Variants in CSMD1 observed in about 807,000 individuals in gnomAD.
CSMD1 encodes CUB and Sushi multiple domains 1.
CSMD1 carries 213 observed loss-of-function variants against 417.5 expected under a neutral mutation model. The ratio of observed to expected loss-of-function variants is 0.51; its 90% confidence interval spans 0.46 to 0.57. The LOEUF (loss-of-function observed/expected upper bound fraction) is 0.57, where lower values mean the gene tolerates loss of function less well. Among genes scored for constraint, CSMD1 ranks in the 20% least tolerant of loss-of-function variants. The pLI, the probability that CSMD1 is intolerant of heterozygous loss-of-function variation, is 0.00. For missense variants in CSMD1, 6,923 were observed against 4,529.7 expected (o/e 1.53, Z -15.17); for synonymous variants, 2,862 against 1,736.8 (o/e 1.65, Z -16.11).
chr8:4,721,067 C>A (rs1436873306), intron 1 of CSMD1, among the ~76,000 whole-genome samples: 1 of 152,108 alleles, frequency 6.6e-6, no homozygotes, highest in African/African-American at 2.4e-5. Context: ...ATAAACCTCT[C>A]AAGAGTAACA....
chr8:3,055,166 C>A (rs1202386053), intron 49 of CSMD1, among the ~76,000 whole-genome samples: 1 of 152,148 alleles, frequency 6.6e-6, no homozygotes, highest in Non-Finnish European at 1.5e-5. Flanking sequence ...TCTACAAACA[C>A]AGATGAAGCC....
intron 2 of CSMD1, among the ~76,000 whole-genome samples, chr8:4,522,764 T>C (rs979335275): frequency 3.3e-5 from 5 of 152,090 alleles, no homozygotes; most frequent in African/African-American, 9.7e-5. Flanking sequence ...CCATCCTTCA[T>C]GAAGGAGTCC....
intron 1 of CSMD1, among the ~76,000 whole-genome samples, chr8:4,931,839 A>G (rs116006905): frequency 0.014 from 2,085 of 152,308 alleles, 40 homozygotes; most frequent in African/African-American, 0.048. Context: ...AAAATGCAGT[A>G]TATTTTTAGG....
intron 3 of CSMD1, among the ~76,000 whole-genome samples, chr8:4,067,102 T>C (rs1799292386): frequency 6.6e-6 from 1 of 152,216 alleles, no homozygotes; most frequent in African/African-American, 2.4e-5. Context: ...CAAGGCTCTT[T>C]TTCCTCAAAT....
At chr8:4,662,966 C>T (rs912160726) in intron 1 of CSMD1, among the ~76,000 whole-genome samples, 1 of 152,160 alleles carries the variant, frequency 6.6e-6, no homozygotes, top group Non-Finnish European at 1.5e-5. Flanking sequence ...GAATGTTCTT[C>T]AACATGATTT....
chr8:3,555,083 G>C (rs934959991), intron 10 of CSMD1, among the ~76,000 whole-genome samples: 3 of 152,096 alleles, frequency 2.0e-5, no homozygotes, highest in Non-Finnish European at 2.9e-5. Flanking sequence ...CCCTCGGCAA[G>C]TGCAGCCGTA....
At chr8:4,129,850 T>C (rs1802989860) in intron 3 of CSMD1, among the ~76,000 whole-genome samples, 1 of 152,190 alleles carries the variant, frequency 6.6e-6, no homozygotes, top group Admixed American at 6.5e-5. Context: ...CCTAGATGGT[T>C]CCTGCTTTTT....
intron 1 of CSMD1, among the ~76,000 whole-genome samples, chr8:4,800,176 T>A (rs186321324): frequency 1.2e-3 from 179 of 152,292 alleles, no homozygotes; most frequent in South Asian, 2.3e-3. Flanking sequence ...TGACGGCTCA[T>A]GCCTATAACC....
At chr8:3,996,572 C>G (rs184520683) in intron 5 of CSMD1, among the ~76,000 whole-genome samples, 22 of 152,178 alleles carry the variant, frequency 1.4e-4, no homozygotes, top group Admixed American at 3.3e-4. Flanking sequence ...CTTCCATGAA[C>G]TCTAATGTTA....
At chr8:4,047,654 T>C (rs150768435) in intron 3 of CSMD1, among the ~76,000 whole-genome samples, 1 of 152,140 alleles carries the variant, frequency 6.6e-6, no homozygotes, top group Non-Finnish European at 1.5e-5. Flanking sequence ...GTGAGTATAT[T>C]TGGGGCATGC....
chr8:4,770,328 A>G (rs537140025), intron 1 of CSMD1, among the ~76,000 whole-genome samples: 214 of 148,330 alleles, frequency 1.4e-3, no homozygotes, highest in Non-Finnish European at 2.5e-3. Context: ...ATATATGTAC[A>G]TAGAAATATA....
intron 1 of CSMD1, among the ~76,000 whole-genome samples, chr8:4,875,216 A>G (rs946027933): frequency 3.3e-5 from 5 of 152,036 alleles, no homozygotes; most frequent in African/African-American, 1.2e-4. Context: ...AAAGCTGAGA[A>G]GGAAAATAAG....
chr8:4,925,747 C>T lies in CSMD1; in HGVS notation c.85+68585G>A, dbSNP rs188143871. ...TATTTTTAGTAGAGACGGGGTTTCACCGTGTTGGTCAGGATGGTCTCAAAC... is the reference window on the plus strand; with the variant it reads ...TATTTTTAGTAGAGACGGGGTTTCATCGTGTTGGTCAGGATGGTCTCAAAC... On this transcript the variant is annotated intron_variant, in intron 1 of 69. Transcript: ENST00000635120. Among the ~76,000 whole-genome samples, 79 of 152,178 alleles carry T rather than the reference C, an allele frequency of 5.2e-4. 2 individuals carry two copies. In the East Asian group the frequency reaches 0.013, roughly 26 times the overall value.
At position 4,639,891 on chromosome 8, in the gene CSMD1, A is replaced by T. The variant is rs144560206; in HGVS notation, c.86-2333T>A. Among the ~76,000 whole-genome samples the T allele has an allele frequency of 4.6e-3, 702 of 152,348 alleles. 5 individuals are homozygous for T. Among genetic ancestry groups the T allele is most frequent in the Admixed American group, 0.015 (226 of 15,306 alleles). On this transcript the variant is annotated intron_variant, in intron 1 of 69. Transcript: ENST00000635120. ...AAAAAGCCCATTTTCCACTAAATTTAAGTCCAATAATAACACTGTAACAAG... is the reference window on the plus strand; with the variant it reads ...AAAAAGCCCATTTTCCACTAAATTTTAGTCCAATAATAACACTGTAACAAG...
intron 4 of CSMD1, among the ~76,000 whole-genome samples, chr8:4,003,411 A>AAAAC (rs538851769): frequency 0.15 from 19,971 of 129,632 alleles, 1,426 homozygotes; most frequent in South Asian, 0.26. Flanking sequence ...AACAAACAAA[A>AAAAC]AAACAAACAA....
At chr8:2,982,678 A>C (rs1055447222) in intron 54 of CSMD1, among the ~76,000 whole-genome samples, 1 of 152,208 alleles carries the variant, frequency 6.6e-6, no homozygotes, top group African/African-American at 2.4e-5. Flanking sequence ...CTGTCCTGCC[A>C]TGTGCTCACT....
chr8:2,999,140 T>C (rs557766908), intron 53 of CSMD1, among the ~76,000 whole-genome samples: 14 of 143,190 alleles, frequency 9.8e-5, no homozygotes, highest in Non-Finnish European at 1.6e-4. Flanking sequence ...ATTTTACCTC[T>C]TTCTTTTTTT....
intron 10 of CSMD1, among the ~76,000 whole-genome samples, chr8:3,537,134 G>C (rs1049946092): frequency 2.0e-5 from 3 of 152,074 alleles, no homozygotes; most frequent in Admixed American, 1.3e-4. Flanking sequence ...CTCCCAAGTA[G>C]CTGGGACTAC....
At chr8:3,007,564 A>G (rs1808038870) in intron 52 of CSMD1, among the ~76,000 whole-genome samples, 1 of 151,516 alleles carries the variant, frequency 6.6e-6, no homozygotes, top group Non-Finnish European at 1.5e-5. Flanking sequence ...AATGTGGCAC[A>G]TATACACCAT....
Sources: gnomAD v4.1 joint callset for allele counts (sites outside exome capture counted in the v4.1 genomes callset) on GRCh38, gnomAD v4.1.1 for gene constraint, MANE v1.5 for transcripts, NCBI Gene and HGNC (gene_info 2026-07-23, HGNC 2026-07-21) for gene names.